ZNF143: variants seen among roughly 807,000 people sequenced by gnomAD.
The protein encoded by ZNF143 is zinc finger protein 143.
In ZNF143, 49 loss-of-function variants were observed where a neutral mutation model predicts 74.1. The observed-to-expected ratio is 0.66, with a 90% CI of 0.53 to 0.84. The LOEUF is 0.84. Among genes scored for constraint, ZNF143 ranks in the 40% least tolerant of loss-of-function variants. The pLI, the probability that ZNF143 is intolerant of heterozygous loss-of-function variation, is 0.00. For missense variants in ZNF143, 637 were observed against 793.4 expected (o/e 0.80, Z 2.37); for synonymous variants, 304 against 282.8 (o/e 1.07, Z -0.75).
chr11:9,466,752 T>G (rs899302566), intron 1 of ZNF143, among the ~76,000 whole-genome samples: 1 of 151,508 alleles, frequency 6.6e-6, no homozygotes, highest in African/African-American at 2.4e-5. Flanking sequence ...GCAAGGAAAA[T>G]TTTAATGGTC....
chr11:9,474,598 A>G lies in ZNF143; in HGVS notation c.338A>G (p.Asp113Gly), dbSNP rs1326021423. 2 of 1,614,174 alleles carry G rather than the reference A, an allele frequency of 1.2e-6. No individual in the cohort carries two copies. The highest frequency in any genetic ancestry group is 8.5e-7 in the Non-Finnish European group (1 of 1,180,030). The change falls in exon 5 of 16, where the codon GAT becomes GGT. Residue 113 changes from aspartate to glycine, a missense_variant. Physicochemically the swap from Asp to Gly is moderately conservative, Grantham distance 94. Around this residue, in one of 2 missense-constraint regions of ZNF143, gnomAD observed 293 missense variants for 307.8 expected, o/e 0.95. Transcript: ENST00000396602. ...GATGGTCAAGCAGTACAGTTAGAAGATGGTACCACAGCATTTATTCACCAC... is the reference window on the plus strand; with the variant it reads ...GATGGTCAAGCAGTACAGTTAGAAGGTGGTACCACAGCATTTATTCACCAC... The part of the protein sequence containing the change: ...LEDGQAVQLE[D>G]GTTAFIHHTS...
chr11:9,492,049 A>G (rs1847801428), intron 7 of ZNF143, among the ~76,000 whole-genome samples: 2 of 150,032 alleles, frequency 1.3e-5, no homozygotes, highest in Non-Finnish European at 3.0e-5. Flanking sequence ...TGTTCAAGTG[A>G]TTCTCCTGCC....
chr11:9,490,198 A>G (rs1847715683), intron 7 of ZNF143, among the ~76,000 whole-genome samples: 1 of 152,058 alleles, frequency 6.6e-6, no homozygotes, highest in Admixed American at 6.6e-5. Flanking sequence ...TTAAATAAAA[A>G]TAAAAAATAC....
rs61636956 is a variant in ZNF143, at chr11:9,475,910, ATGTGTGTG to A, written c.373+1315_373+1322del. Reference sequence around the variant, plus strand: ...GAGACCCTGTCTCAAAAAAATATATATGTGTGTGTGTGTGTGTGTGTGTGTGTGTGTGT... The same window carrying A: ...GAGACCCTGTCTCAAAAAAATATATATGTGTGTGTGTGTGTGTGTGTGTGT... On this transcript the variant is annotated intron_variant, in intron 5 of 15. Coordinates refer to ENST00000396602, the MANE Select transcript of ZNF143 (RefSeq NM_003442.6). Among the ~76,000 whole-genome samples the A allele has an allele frequency of 5.8e-4, 80 of 137,374 alleles. No individual in the cohort carries two copies. In the Middle Eastern group the frequency reaches 0.011, roughly 20 times the overall value. 90.1% of individuals were successfully genotyped at this position (137,374 alleles called of 152,430 possible).
Position 9,483,750 on chromosome 11 carries a change from CTTTTTTT to C in ZNF143, c.645+4216_645+4222del, listed in dbSNP as rs753979043. Among the ~76,000 whole-genome samples the C allele has an allele frequency of 2.4e-5, 3 of 124,890 alleles. No homozygotes were observed. In the South Asian group the frequency reaches 7.8e-4, roughly 32 times the overall value. 81.9% of individuals were successfully genotyped at this position (124,890 alleles called of 152,430 possible). A position where few individuals can be genotyped will look rare whatever the true frequency, so the allele number is the denominator to read the frequency against. On this transcript the variant is annotated intron_variant, in intron 7 of 15. Transcript: ENST00000396602. ...TGAACCAATTTGCCCGGCCGGAATT[CTTTTTTT>C]TTTTTTTTTTTGAGATGGAGTCTCA...
At position 9,461,144 on chromosome 11, in the gene ZNF143, C is replaced by T. The variant is rs1855793387; in HGVS notation, c.-8+68C>T. 1.0e-5 allele frequency: 10 copies of T among 955,606 alleles called. No homozygotes were observed. The South Asian group carries it at 1.9e-4, about 18-fold the overall frequency. 59.2% of individuals were successfully genotyped at this position (955,606 alleles called of 1,614,324 possible). ...CGCCTGGCCGCCGCCCTCAGCGCGG[C>T]GGCGCGGGCCCGCTTGGGCCCGGGC... On this transcript the variant is annotated intron_variant, in intron 1 of 15. Transcript: ENST00000396602.
At chr11:9,476,653 T>G (rs1340573679) in intron 5 of ZNF143, among the ~76,000 whole-genome samples, 1 of 149,632 alleles carries the variant, frequency 6.7e-6, no homozygotes, top group Non-Finnish European at 1.5e-5. Context: ...ATTACAGGCA[T>G]GAGCCACTGC....
chr11:9,498,979 G>A (rs563211198), intron 10 of ZNF143, among the ~76,000 whole-genome samples: 14 of 152,208 alleles, frequency 9.2e-5, no homozygotes, highest in African/African-American at 3.4e-4. Flanking sequence ...TATTGTATCA[G>A]AGGCGAGTAT....
intron 10 of ZNF143, among the ~76,000 whole-genome samples, chr11:9,500,698 A>G (rs1848127694): frequency 6.6e-6 from 1 of 152,206 alleles, no homozygotes; most frequent in Admixed American, 6.5e-5. Flanking sequence ...CCTGCAAGAT[A>G]TTGTAGAATA....
chr11:9,475,278 G>A (rs976167390), intron 5 of ZNF143, among the ~76,000 whole-genome samples: 2 of 152,012 alleles, frequency 1.3e-5, no homozygotes, highest in South Asian at 2.1e-4. Context: ...ATTCATTTCT[G>A]TATTTTAGAG....
At chr11:9,525,618 C>T (rs549134077) in intron 15 of ZNF143, 90 of 549,158 alleles carry the variant, frequency 1.6e-4, no homozygotes, top group Non-Finnish European at 6.5e-6. Context: ...GAAAAAAAAC[C>T]TTCAGGTATA....
intron 1 of ZNF143, chr11:9,464,016 G>A (rs904826505): frequency 1.3e-4 from 20 of 151,730 alleles, no homozygotes; most frequent in African/African-American, 4.4e-4. Flanking sequence ...GTTTCTCACT[G>A]TTTCAGATAG....
At chr11:9,501,321 T>C in intron 11 of ZNF143, 51 bp downstream of exon 11, 1 of 1,577,208 alleles carries the variant, frequency 6.3e-7, no homozygotes, top group Non-Finnish European at 8.6e-7. Context: ...TCAGTTTAAC[T>C]CCTGCCTTTT....
intron 1 of ZNF143, among the ~76,000 whole-genome samples, chr11:9,465,590 C>T (rs1331743936): frequency 2.6e-5 from 4 of 151,638 alleles, no homozygotes; most frequent in East Asian, 3.9e-4. Flanking sequence ...AGCTCTGCCT[C>T]CCAGGTTCAC....
intron 3 of ZNF143, 36 bp from the exon 4 acceptor site, chr11:9,473,905 T>G: frequency 6.2e-7 from 1 of 1,613,484 alleles, no homozygotes; most frequent in South Asian, 1.1e-5. Flanking sequence ...AAATTTTTGT[T>G]TGTGCCAATT....
intron 7 of ZNF143, among the ~76,000 whole-genome samples, chr11:9,491,693 C>G (rs1368753713): frequency 2.6e-5 from 4 of 152,098 alleles, no homozygotes; most frequent in Admixed American, 1.3e-4. Flanking sequence ...TGCAGTGGCA[C>G]AAATACAGCT....
intron 7 of ZNF143, among the ~76,000 whole-genome samples, chr11:9,484,943 G>A (rs994772352): frequency 5.3e-5 from 8 of 149,856 alleles, no homozygotes; most frequent in African/African-American, 1.3e-4. Context: ...GACTACAGGC[G>A]CCCGCCACCA....
chr11:9,471,455 A>C, intron 2 of ZNF143, 35 bp downstream of exon 2: 3 of 1,457,404 alleles, frequency 2.1e-6, no homozygotes, highest in Non-Finnish European at 2.8e-6. Flanking sequence ...GCGTTTGAAA[A>C]TATCATTTAT....
rs565451546 is a variant in ZNF143 at position 9,464,052 on chromosome 11, A to G, written c.-8+2976A>G. ...ATAGATCTCATTCTTTTAAATGCCT[A>G]CATGTTTCATTTAGGGATGTCGTGT... is the stretch of plus-strand genomic sequence containing the variant. On this transcript the variant is annotated intron_variant, in intron 1 of 15. Coordinates refer to ENST00000396602, the MANE Select transcript of ZNF143 (RefSeq NM_003442.6). Among the ~76,000 whole-genome samples, 5 of 151,872 alleles carry G rather than the reference A, an allele frequency of 3.3e-5. No individual in the cohort carries two copies. In the South Asian group the frequency reaches 6.2e-4, roughly 19 times the overall value.
Sources: gnomAD v4.1 joint callset for allele counts (sites outside exome capture counted in the v4.1 genomes callset) on GRCh38, gnomAD v4.1.1 for gene constraint, gnomAD v4.1.1 regional missense constraint, MANE v1.5 for transcripts, NCBI Gene and HGNC (gene_info 2026-07-23, HGNC 2026-07-21) for gene names.